Variants in DLG2 observed in about 807,000 individuals in gnomAD.
DLG2 encodes disks large homolog 2.
DLG2 carries 45 observed loss-of-function variants against 132.5 expected under a neutral mutation model. The ratio of observed to expected loss-of-function variants is 0.34; its 90% CI spans 0.27 to 0.44. DLG2 has a LOEUF of 0.44. Ranked by LOEUF, DLG2 falls within the 20% of genes least tolerant of loss-of-function variation. DLG2 has a pLI of 1.00. For missense variants in DLG2, 1,045 were observed against 1,196.9 expected (o/e 0.87, Z 1.87); for synonymous variants, 424 against 419.6 (o/e 1.01, Z -0.13).
rs533306322 is a variant in DLG2 at position 85,216,787 on chromosome 11, C to T, written c.187-62136G>A. ...TCTTGGCTCACGGCAACCTCCACCT[C>T]CCGGGTTCAAGCAATTCTCTGCCTC... On this transcript the variant is annotated intron_variant, in intron 4 of 27. Coordinates refer to ENST00000376104, the MANE Select transcript of DLG2 (RefSeq NM_001142699.3). 2.3e-4 allele frequency among the ~76,000 whole-genome samples: 35 copies of T among 152,146 alleles called. 1 individual carries two copies. Among genetic ancestry groups the T allele is most frequent in the African/African-American group, 8.0e-4 (33 of 41,506 alleles).
At chr11:85,606,141 G>A (rs2080518918) in intron 2 of DLG2, among the ~76,000 whole-genome samples, 1 of 152,160 alleles carries the variant, frequency 6.6e-6, no homozygotes. Flanking sequence ...CCATTTTTTA[G>A]ATTTAGAACG....
intron 2 of DLG2, among the ~76,000 whole-genome samples, chr11:85,618,247 G>A (rs577269367): frequency 1.3e-5 from 2 of 151,962 alleles, no homozygotes; most frequent in East Asian, 1.9e-4. Flanking sequence ...ATTGTAGCTG[G>A]AGAACACATT....
intron 9 of DLG2, among the ~76,000 whole-genome samples, chr11:84,139,742 C>T (rs2094760747): frequency 6.6e-6 from 1 of 151,856 alleles, no homozygotes; most frequent in African/African-American, 2.4e-5. Flanking sequence ...AAAGGCCACA[C>T]TCGAAACACT....
intron 18 of DLG2, chr11:83,647,183 T>TC (rs909903255): frequency 4.1e-5 from 6 of 145,336 alleles, no homozygotes; most frequent in Non-Finnish European, 3.0e-5. Flanking sequence ...CAAGTCAGTT[T>TC]CCCCAGAGTC....
chr11:84,172,685 G>C (rs1290036825), intron 8 of DLG2, among the ~76,000 whole-genome samples: 1 of 151,996 alleles, frequency 6.6e-6, no homozygotes, highest in Non-Finnish European at 1.5e-5. Flanking sequence ...TGTGATTACA[G>C]GCACCCGCCA....
chr11:84,562,641 C>T (rs138176041), intron 6 of DLG2, among the ~76,000 whole-genome samples: 104 of 152,086 alleles, frequency 6.8e-4, no homozygotes, highest in African/African-American at 2.2e-3. Context: ...CAAGCAACTG[C>T]TATAGTAGAT....
At chr11:83,745,117 A>T (rs796905640) in intron 18 of DLG2, among the ~76,000 whole-genome samples, 1 of 152,150 alleles carries the variant, frequency 6.6e-6, no homozygotes. Context: ...CATCGCGATC[A>T]ACTCATCTGC....
At chr11:84,827,190 G>A (rs1232268110) in intron 6 of DLG2, among the ~76,000 whole-genome samples, 1 of 151,652 alleles carries the variant, frequency 6.6e-6, no homozygotes, top group African/African-American at 2.4e-5. Flanking sequence ...CACACAGATA[G>A]TAAGTGATGG....
At chr11:84,966,104 T>C (rs1483367691) in intron 6 of DLG2, among the ~76,000 whole-genome samples, 1 of 152,006 alleles carries the variant, frequency 6.6e-6, no homozygotes, top group African/African-American at 2.4e-5. Context: ...TGTTGTATAC[T>C]ATCTAGTAGC....
chr11:84,516,580 T>C (rs868512143), intron 7 of DLG2, among the ~76,000 whole-genome samples: 13 of 151,424 alleles, frequency 8.6e-5, no homozygotes, highest in Non-Finnish European at 3.0e-5. Flanking sequence ...AAGTCTTCCA[T>C]TAAAGAAAGC....
intron 16 of DLG2, among the ~76,000 whole-genome samples, chr11:83,865,078 A>C (rs1487567053): frequency 6.6e-6 from 1 of 152,200 alleles, no homozygotes; most frequent in Non-Finnish European, 1.5e-5. Flanking sequence ...GTGATGGATG[A>C]GCCACCAGAA....
intron 7 of DLG2, among the ~76,000 whole-genome samples, chr11:84,345,154 A>G (rs1361945092): frequency 6.6e-6 from 1 of 152,188 alleles, no homozygotes; most frequent in African/African-American, 2.4e-5. Flanking sequence ...AAGAAAAGAA[A>G]TGTCAGCCAG....
At chr11:85,223,471 T>G (rs2074785403) in intron 4 of DLG2, among the ~76,000 whole-genome samples, 1 of 151,792 alleles carries the variant, frequency 6.6e-6, no homozygotes. Context: ...CCATCTCTAT[T>G]AAAAAAAATT....
chr11:84,175,051 T>C (rs2095920081), intron 8 of DLG2, among the ~76,000 whole-genome samples: 1 of 152,194 alleles, frequency 6.6e-6, no homozygotes, highest in South Asian at 2.1e-4. Flanking sequence ...TCATCCTTAC[T>C]TACTGATGGA....
chr11:84,885,798 G>A (rs1036170162), intron 6 of DLG2, among the ~76,000 whole-genome samples: 2 of 152,016 alleles, frequency 1.3e-5, no homozygotes, highest in African/African-American at 4.8e-5. Flanking sequence ...CCAAGGAAAA[G>A]TTTAATTTTG....
At chr11:84,249,493 T>C (rs1277071705) in intron 8 of DLG2, among the ~76,000 whole-genome samples, 1 of 152,220 alleles carries the variant, frequency 6.6e-6, no homozygotes, top group Non-Finnish European at 1.5e-5. Context: ...CCTCTTACTG[T>C]GAGTCCTTGA....
At chr11:83,838,757 T>C (rs2154012470) in intron 16 of DLG2, among the ~76,000 whole-genome samples, 1 of 150,378 alleles carries the variant, frequency 6.6e-6, no homozygotes. Context: ...TTTGCCATAG[T>C]CCTGACCTCT....
intron 19 of DLG2, among the ~76,000 whole-genome samples, chr11:83,542,215 TA>T (rs891405264): frequency 6.6e-6 from 1 of 151,750 alleles, no homozygotes; most frequent in Non-Finnish European, 1.5e-5. Flanking sequence ...TTAAAATTAC[TA>T]AAAAAAGTAA....
chr11:85,527,176 ATT>A (rs57616528), intron 3 of DLG2, among the ~76,000 whole-genome samples: 24,160 of 142,930 alleles, frequency 0.17, 2,093 homozygotes, highest in East Asian at 0.28. Flanking sequence ...GGATGTTTTT[ATT>A]TTTTTTTTTT....
Sources: gnomAD v4.1 joint callset for allele counts (sites outside exome capture counted in the v4.1 genomes callset) on GRCh38, gnomAD v4.1.1 for gene constraint, MANE v1.5 for transcripts, NCBI Gene and HGNC (gene_info 2026-07-23, HGNC 2026-07-21) for gene names.